ARHGAP32: variants seen among roughly 807,000 people sequenced by gnomAD.
ARHGAP32 encodes rho GTPase-activating protein 32.
A neutral mutation model predicts 186.5 loss-of-function variants in ARHGAP32; 51 were observed. That is an observed-to-expected ratio of 0.27 (90% CI 0.22 to 0.35). The LOEUF (loss-of-function observed/expected upper bound fraction) is 0.35, where lower values mean the gene tolerates loss of function less well. Ranked by LOEUF, ARHGAP32 falls within the 10% of genes least tolerant of loss-of-function variation. The probability of loss-of-function intolerance (pLI) is 1.00; values close to 1 mark genes in which losing one functional copy is unlikely to be tolerated. For missense variants in ARHGAP32, 2,186 were observed against 2,623.5 expected, an observed-to-expected ratio of 0.83 and a Z score of 3.64; for synonymous variants, 950 against 964.3, an observed-to-expected ratio of 0.99 and a Z score of 0.27.
At chr11:129,139,736 C>T (rs563126196) in intron 2 of ARHGAP32, among the ~76,000 whole-genome samples, 1 of 152,314 alleles carries the variant, frequency 6.6e-6, no homozygotes, top group Admixed American at 6.5e-5. Flanking sequence ...ATTGTGAGGC[C>T]TCCCCAGCCA....
At chr11:129,028,210 CA>C (rs1200216939) in intron 11 of ARHGAP32, among the ~76,000 whole-genome samples, 1 of 152,178 alleles carries the variant, frequency 6.6e-6, no homozygotes, top group African/African-American at 2.4e-5. Flanking sequence ...GTATCAAACT[CA>C]AAATTTTTTT....
intron 11 of ARHGAP32, among the ~76,000 whole-genome samples, chr11:129,033,261 T>C (rs1939188107): frequency 1.3e-5 from 2 of 152,222 alleles, no homozygotes; most frequent in African/African-American, 4.8e-5. Context: ...TCTTAGTCTG[T>C]GTACATGAAT....
chr11:129,228,091 A>G (rs1944810089), intron 1 of ARHGAP32, among the ~76,000 whole-genome samples: 1 of 152,196 alleles, frequency 6.6e-6, no homozygotes, highest in African/African-American at 2.4e-5. Flanking sequence ...TGAGAGATAT[A>G]CAAGTAAGTG....
At chr11:128,976,511 T>G in intron 20 of ARHGAP32, 52 bp downstream of exon 20, 1 of 1,408,242 alleles carries the variant, frequency 7.1e-7, no homozygotes, top group African/African-American at 1.4e-5. Context: ...AATTGCAGTA[T>G]TCCTTTATGC....
intron 11 of ARHGAP32, among the ~76,000 whole-genome samples, chr11:129,001,714 A>ATTTT (rs61352621): frequency 1.3e-5 from 2 of 150,380 alleles, no homozygotes; most frequent in East Asian, 1.9e-4. Context: ...GATTTTTCCC[A>ATTTT]TTTTTTTTTA....
chr11:129,244,489 C>T (rs1017631635), intron 1 of ARHGAP32, among the ~76,000 whole-genome samples: 11 of 151,960 alleles, frequency 7.2e-5, no homozygotes, highest in Non-Finnish European at 1.2e-4. Context: ...CAATAATGTA[C>T]GAAGGTAGAA....
intron 1 of ARHGAP32, among the ~76,000 whole-genome samples, chr11:129,165,623 AT>A (rs1323168554): frequency 4.0e-5 from 6 of 150,906 alleles, no homozygotes; most frequent in Non-Finnish European, 8.8e-5. Flanking sequence ...GAGAAAAAAA[AT>A]AGTCAAACCA....
chr11:129,087,642 T>A (rs889756727), intron 6 of ARHGAP32, among the ~76,000 whole-genome samples: 2 of 152,216 alleles, frequency 1.3e-5, no homozygotes, highest in Non-Finnish European at 2.9e-5. Flanking sequence ...TACTATTCTG[T>A]ATGATACTAT....
chr11:129,185,913 A>C (rs1181583811), intron 1 of ARHGAP32, among the ~76,000 whole-genome samples: 1 of 152,164 alleles, frequency 6.6e-6, no homozygotes, highest in Non-Finnish European at 1.5e-5. Context: ...TGGAAATGGA[A>C]ACTAATCATT....
chr11:129,036,897 T>A (rs1198241174), intron 11 of ARHGAP32, among the ~76,000 whole-genome samples: 9 of 152,098 alleles, frequency 5.9e-5, no homozygotes, highest in Non-Finnish European at 1.3e-4. Flanking sequence ...TAAAAAGACA[T>A]CCAGATTGGA....
chr11:129,039,638 A>T (rs1181327289), intron 11 of ARHGAP32, among the ~76,000 whole-genome samples: 1 of 152,230 alleles, frequency 6.6e-6, no homozygotes, highest in Non-Finnish European at 1.5e-5. Context: ...GGTGTTCTAA[A>T]ATTAACTGTG....
At chr11:129,264,173 T>C (rs1457902559) in intron 1 of ARHGAP32, among the ~76,000 whole-genome samples, 1 of 152,190 alleles carries the variant, frequency 6.6e-6, no homozygotes, top group African/African-American at 2.4e-5. Flanking sequence ...ATCCCATGTA[T>C]ATGGGGTATC....
At chr11:129,059,704 T>G (rs1940412922) in intron 10 of ARHGAP32, among the ~76,000 whole-genome samples, 2 of 152,072 alleles carry the variant, frequency 1.3e-5, no homozygotes, top group African/African-American at 4.8e-5. Flanking sequence ...TTCATCATGT[T>G]GGCCAGGCTT....
intron 15 of ARHGAP32, among the ~76,000 whole-genome samples, chr11:128,983,420 C>T (rs1387267979): frequency 6.6e-6 from 1 of 151,002 alleles, no homozygotes; most frequent in Non-Finnish European, 1.5e-5. Context: ...CGCATGTTCT[C>T]ACTCATAGGT....
chr11:128,999,951 G>A (rs1946311215), intron 11 of ARHGAP32, among the ~76,000 whole-genome samples: 1 of 152,136 alleles, frequency 6.6e-6, no homozygotes, highest in African/African-American at 2.4e-5. Flanking sequence ...TGTAAAAGCG[G>A]TTTGCATTTC....
intron 6 of ARHGAP32, among the ~76,000 whole-genome samples, chr11:129,086,546 GCA>G (rs1555087771): frequency 5.9e-5 from 9 of 152,100 alleles, no homozygotes; most frequent in East Asian, 5.8e-4. Flanking sequence ...TGATGGCCGG[GCA>G]TGGTGGCTCA....
chr11:128,972,386 C>T, intron 22 of ARHGAP32, 67 bp downstream of exon 22: 1 of 1,460,960 alleles, frequency 6.8e-7, no homozygotes, highest in South Asian at 1.6e-5. Context: ...AACAACACAC[C>T]CTGCTGAAAA....
At chr11:129,133,840 A>G (rs755263866) in intron 2 of ARHGAP32, among the ~76,000 whole-genome samples, 2 of 152,230 alleles carry the variant, frequency 1.3e-5, no homozygotes, top group African/African-American at 2.4e-5. Context: ...AACAACAGAA[A>G]TGGTGAATAA....
At chr11:129,016,105 C>T (rs951356492) in intron 11 of ARHGAP32, among the ~76,000 whole-genome samples, 10 of 152,150 alleles carry the variant, frequency 6.6e-5, no homozygotes, top group East Asian at 1.9e-4. Context: ...CACTTTAATA[C>T]GCATTTCTGT....
Sources: gnomAD v4.1 joint callset for allele counts (sites outside exome capture counted in the v4.1 genomes callset) on GRCh38, gnomAD v4.1.1 for gene constraint, MANE v1.5 for transcripts, NCBI Gene and HGNC (gene_info 2026-07-23, HGNC 2026-07-21) for gene names.